PDE10A: variants seen among roughly 807,000 people sequenced by gnomAD.
PDE10A encodes the protein cAMP and cAMP-inhibited cGMP 3',5'-cyclic phosphodiesterase 10A.
Under a neutral mutation model 97.7 loss-of-function variants are expected in PDE10A, and 39 were observed. That is an observed-to-expected ratio of 0.40 (90% CI 0.31 to 0.52). The LOEUF (loss-of-function observed/expected upper bound fraction) is 0.52. PDE10A is among the 20% of genes least tolerant of loss of function. The pLI is 0.56. For missense variants in PDE10A, 731 were observed against 1,047.8 expected, an observed-to-expected ratio of 0.70 and a Z score of 4.17; for synonymous variants, 371 against 376.8, an observed-to-expected ratio of 0.98 and a Z score of 0.18.
intron 1 of PDE10A, chr6:165,949,950 T>G (rs899009770): frequency 6.6e-6 from 1 of 152,212 alleles, no homozygotes; most frequent in African/African-American, 2.4e-5. Context: ...AACTAAAATT[T>G]TATTTAATTA....
At chr6:165,466,930 T>C (rs1489633277) in intron 3 of PDE10A, among the ~76,000 whole-genome samples, 2 of 152,116 alleles carry the variant, frequency 1.3e-5, no homozygotes, top group African/African-American at 4.8e-5. Context: ...AGTGAAGTTG[T>C]GAACGCAAAG....
At chr6:165,669,077 A>T (rs189923818) in intron 1 of PDE10A, among the ~76,000 whole-genome samples, 41 of 150,426 alleles carry the variant, frequency 2.7e-4, no homozygotes, top group African/African-American at 1.0e-3. Flanking sequence ...GGTGGCTGGC[A>T]CACACACAGT....
chr6:165,601,908 G>A (rs1043018537), intron 1 of PDE10A, among the ~76,000 whole-genome samples: 3 of 152,056 alleles, frequency 2.0e-5, no homozygotes, highest in African/African-American at 4.8e-5. Context: ...CCTGTTGGCC[G>A]TAATTATTGT....
intron 1 of PDE10A, among the ~76,000 whole-genome samples, chr6:165,830,511 C>T (rs1257086509): frequency 6.6e-6 from 1 of 152,072 alleles, no homozygotes; most frequent in East Asian, 1.9e-4. Flanking sequence ...TTTTAGATTA[C>T]CGGTTTGCCG....
At chr6:165,684,595 C>A (rs1211866368) in intron 1 of PDE10A, among the ~76,000 whole-genome samples, 1 of 152,200 alleles carries the variant, frequency 6.6e-6, no homozygotes, top group Non-Finnish European at 1.5e-5. Context: ...GTGGCCGAGG[C>A]GCTGAGCTGC....
intron 1 of PDE10A, among the ~76,000 whole-genome samples, chr6:165,639,512 T>C (rs1789028250): frequency 6.6e-6 from 1 of 151,568 alleles, no homozygotes; most frequent in Non-Finnish European, 1.5e-5. Context: ...CTGAGGCATG[T>C]GGATCACCTG....
chr6:165,784,667 C>A (rs1324173666), intron 1 of PDE10A, among the ~76,000 whole-genome samples: 1 of 152,184 alleles, frequency 6.6e-6, no homozygotes, highest in African/African-American at 2.4e-5. Flanking sequence ...CCATGCAGGT[C>A]ACATTCGCTG....
chr6:165,363,774 CAAT>C (rs1382170762), intron 18 of PDE10A, among the ~76,000 whole-genome samples: 2 of 151,992 alleles, frequency 1.3e-5, no homozygotes, highest in Non-Finnish European at 2.9e-5. Context: ...ATTCCACTTA[CAAT>C]ATTATCAAAA....
At chr6:165,451,568 C>A (rs1316860974) in intron 3 of PDE10A, among the ~76,000 whole-genome samples, 1 of 152,196 alleles carries the variant, frequency 6.6e-6, no homozygotes, top group African/African-American at 2.4e-5. Context: ...CTCTGTCTAC[C>A]CTCACTGTCA....
At chr6:165,849,174 A>C (rs1052428996) in intron 1 of PDE10A, among the ~76,000 whole-genome samples, 6 of 152,202 alleles carry the variant, frequency 3.9e-5, no homozygotes, top group African/African-American at 1.4e-4. Flanking sequence ...AATGAGTTTC[A>C]TCTACTAGAT....
intron 1 of PDE10A, among the ~76,000 whole-genome samples, chr6:165,626,318 C>T (rs1788383899): frequency 6.6e-6 from 1 of 152,164 alleles, no homozygotes; most frequent in African/African-American, 2.4e-5. Flanking sequence ...GATTTCCATT[C>T]GCTGAGTATG....
rs140478755 is a variant in PDE10A, at chr6:165,402,955, G to A, written c.2077-6496C>T. On this transcript the variant is annotated intron_variant, in intron 13 of 21. Coordinates refer to ENST00000539869, the MANE Select transcript of PDE10A (RefSeq NM_001385079.1). The stretch of plus-strand genomic sequence containing the variant: ...GTAAACCTAGAGTCACTTTAGGGTC[G>A]GGCAACTCTTAGAAATCTAAACTCT... 3.2e-4 allele frequency among the ~76,000 whole-genome samples: 49 copies of A among 152,112 alleles called. No individual in the cohort carries two copies. The East Asian group carries it at 7.3e-3, about 23-fold the overall frequency.
At chr6:165,788,261 T>C (rs1778547534) in intron 1 of PDE10A, among the ~76,000 whole-genome samples, 1 of 151,926 alleles carries the variant, frequency 6.6e-6, no homozygotes, top group Non-Finnish European at 1.5e-5. Flanking sequence ...CTCACACCTA[T>C]AATCCCAGCA....
upstream of PDE10A, among the ~76,000 whole-genome samples, chr6:165,663,307 C>T (rs1217648590): frequency 3.3e-5 from 5 of 152,012 alleles, no homozygotes; most frequent in African/African-American, 4.8e-5. Flanking sequence ...TAGCGCGCCC[C>T]GCGGGACTCG....
intron 1 of PDE10A, among the ~76,000 whole-genome samples, chr6:165,964,667 T>G (rs1242537606): frequency 6.6e-6 from 1 of 152,224 alleles, no homozygotes; most frequent in African/African-American, 2.4e-5. Flanking sequence ...CTGGTCCCTG[T>G]TATCCAGCAG....
chr6:165,350,853 C>T lies in PDE10A; in HGVS notation c.2784-7351G>A, dbSNP rs189083445. Among the ~76,000 whole-genome samples, 19 of 152,256 alleles carry T rather than the reference C, an allele frequency of 1.2e-4. No individual in the cohort carries two copies. In the East Asian group the frequency reaches 2.5e-3, roughly 20 times the overall value. ...CCTCCTACTGCCATGTGAAGAAGGACGTGTTTGCTTCCCCTTCCATCATGA... is the reference window on the plus strand; with the variant it reads ...CCTCCTACTGCCATGTGAAGAAGGATGTGTTTGCTTCCCCTTCCATCATGA... On this transcript the variant is annotated intron_variant, in intron 18 of 21. Coordinates refer to ENST00000539869, the MANE Select transcript of PDE10A (RefSeq NM_001385079.1).
chr6:165,373,509 T>C (rs1459726488), intron 18 of PDE10A, among the ~76,000 whole-genome samples: 3 of 152,058 alleles, frequency 2.0e-5, no homozygotes, highest in Non-Finnish European at 4.4e-5. Context: ...ATCAGAGAAA[T>C]GCAAATCAAA....
intron 1 of PDE10A, among the ~76,000 whole-genome samples, chr6:165,941,996 A>G (rs995075086): frequency 2.0e-5 from 3 of 152,150 alleles, no homozygotes; most frequent in Admixed American, 1.3e-4. Flanking sequence ...GGCTTCAGTC[A>G]TCGTTCCTAT....
intron 1 of PDE10A, among the ~76,000 whole-genome samples, chr6:165,854,971 G>T (rs1472823072): frequency 6.6e-6 from 1 of 151,896 alleles, no homozygotes; most frequent in Non-Finnish European, 1.5e-5. Context: ...CAGTTTAGGC[G>T]CGGGGGAAGA....
Sources: gnomAD v4.1 joint callset for allele counts (sites outside exome capture counted in the v4.1 genomes callset) on GRCh38, gnomAD v4.1.1 for gene constraint, MANE v1.5 for transcripts, NCBI Gene and HGNC (gene_info 2026-07-23, HGNC 2026-07-21) for gene names.